Variants in DCAKD observed in about 807,000 individuals in gnomAD.
The protein encoded by DCAKD is dephospho-CoA kinase domain-containing protein.
DCAKD carries 15 observed loss-of-function variants against 18.7 expected under a neutral mutation model. That is an observed-to-expected ratio of 0.80 (90% CI 0.54 to 1.24). The LOEUF (loss-of-function observed/expected upper bound fraction) is 1.24. Among genes scored for constraint, DCAKD ranks in the 50% most tolerant of loss-of-function variants. DCAKD has a pLI of 0.00. For missense variants in DCAKD, 301 were observed against 322.0 expected (o/e 0.93, Z 0.50); for synonymous variants, 130 against 133.0 (o/e 0.98, Z 0.16).
At chr17:45,035,025 G>T in intron 1 of DCAKD, 26 bp from the exon 2 acceptor site, 1 of 791,746 alleles carries the variant, frequency 1.3e-6, no homozygotes, top group East Asian at 2.7e-5. Flanking sequence ...CAGCGGGACT[G>T]ATCAGTTTGG....
intron 4 of DCAKD, among the ~76,000 whole-genome samples, chr17:45,027,709 C>T (rs1183162216): frequency 5.3e-5 from 8 of 151,630 alleles, no homozygotes; most frequent in East Asian, 2.0e-4. Flanking sequence ...CAGGAAGGGC[C>T]GGGCGCAGTG....
At chr17:45,038,352 G>A (rs577829388) in intron 1 of DCAKD, among the ~76,000 whole-genome samples, 22 of 152,216 alleles carry the variant, frequency 1.4e-4, no homozygotes, top group Middle Eastern at 3.4e-3. Context: ...GTGTAACAGC[G>A]CTCAGGATAA....
At chr17:45,046,782 T>C (rs1309689286) in intron 1 of DCAKD, among the ~76,000 whole-genome samples, 1 of 152,122 alleles carries the variant, frequency 6.6e-6, no homozygotes, top group African/African-American at 2.4e-5. Flanking sequence ...CCACTGGCTC[T>C]CCTACCCAGC....
chr17:45,026,313 C>T (rs188354920), intron 4 of DCAKD, among the ~76,000 whole-genome samples: 63 of 149,102 alleles, frequency 4.2e-4, no homozygotes, highest in Non-Finnish European at 7.9e-4. Flanking sequence ...CTGCAACCTC[C>T]GCCTCCCAGG....
upstream of DCAKD, among the ~76,000 whole-genome samples, chr17:45,055,580 C>T (rs1316012691): frequency 6.6e-6 from 1 of 152,038 alleles, no homozygotes; most frequent in South Asian, 2.1e-4. Context: ...CATTGCCATA[C>T]CTCAAAAGCA....
intron 1 of DCAKD, among the ~76,000 whole-genome samples, chr17:45,045,601 G>C (rs1030880958): frequency 6.6e-6 from 1 of 151,818 alleles, no homozygotes; most frequent in Non-Finnish European, 1.5e-5. Flanking sequence ...GCGTGGTGGC[G>C]TGTGCCTGTA....
chr17:45,041,797 T>C (rs2053443231), intron 1 of DCAKD, among the ~76,000 whole-genome samples: 1 of 150,692 alleles, frequency 6.6e-6, no homozygotes, highest in Non-Finnish European at 1.5e-5. Flanking sequence ...CCAGTAAGTG[T>C]GGTGGTGGTA....
chr17:45,057,599 A>G (rs1216749920), intron 1 of DCAKD, among the ~76,000 whole-genome samples: 1 of 149,648 alleles, frequency 6.7e-6, no homozygotes, highest in African/African-American at 2.5e-5. Flanking sequence ...GCTACTCGGG[A>G]GGTTGAGGCA....
chr17:45,051,669 CGGCCAGCAGGCGG>C (rs2053701218), upstream of DCAKD: 1 of 143,442 alleles, frequency 7.0e-6, no homozygotes, highest in Admixed American at 7.2e-5. Flanking sequence ...ACCGGACGTC[CGGCCAGCAGGCGG>C]GGCCGGGAGA....
intron 1 of DCAKD, among the ~76,000 whole-genome samples, chr17:45,039,691 A>C (rs2143284237): frequency 6.6e-6 from 1 of 152,262 alleles, no homozygotes; most frequent in Non-Finnish European, 1.5e-5. Flanking sequence ...CTCAGTCCCC[A>C]CACTTGTGAG....
intron 1 of DCAKD, among the ~76,000 whole-genome samples, chr17:45,041,706 CTG>C (rs1462405453): frequency 6.6e-6 from 1 of 152,056 alleles, no homozygotes; most frequent in Non-Finnish European, 1.5e-5. Context: ...CCTGTACTGA[CTG>C]TGTCAACCAA....
At chr17:45,055,296 A>C (rs111227883), upstream of DCAKD, among the ~76,000 whole-genome samples, 4 of 152,138 alleles carry the variant, frequency 2.6e-5, no homozygotes, top group African/African-American at 9.7e-5. Context: ...ATTTTGTTTG[A>C]TGAACAACCC....
At chr17:45,046,879 G>A (rs577986190) in intron 1 of DCAKD, among the ~76,000 whole-genome samples, 7 of 151,980 alleles carry the variant, frequency 4.6e-5, no homozygotes, top group East Asian at 1.9e-4. Context: ...TGAGGTGCAC[G>A]GTCCCACAGG....
chr17:45,052,186 A>G (rs1257073806), upstream of DCAKD, among the ~76,000 whole-genome samples: 1 of 152,080 alleles, frequency 6.6e-6, no homozygotes, highest in Non-Finnish European at 1.5e-5. Context: ...ACCCGGAGCC[A>G]TAAATTTTCC....
intron 4 of DCAKD, among the ~76,000 whole-genome samples, chr17:45,026,367 A>G (rs571865928): frequency 4.6e-5 from 7 of 151,790 alleles, no homozygotes; most frequent in South Asian, 2.1e-4. Context: ...AACTGGGACT[A>G]TAGGCGCCCG....
chr17:45,040,387 C>CAAAAA (rs34624870), intron 1 of DCAKD, among the ~76,000 whole-genome samples: 1 of 80,332 alleles, frequency 1.2e-5, no homozygotes, highest in Non-Finnish European at 2.4e-5. Flanking sequence ...GACTCCATCT[C>CAAAAA]AAAAAAAAAA....
chr17:45,028,168 G>A (rs537015888), intron 4 of DCAKD, among the ~76,000 whole-genome samples: 2 of 149,722 alleles, frequency 1.3e-5, no homozygotes, highest in Non-Finnish European at 3.0e-5. Flanking sequence ...GAGTGCAGTG[G>A]TGCGATCTCA....
intron 1 of DCAKD, among the ~76,000 whole-genome samples, chr17:45,057,218 A>T (rs2053791097): frequency 6.6e-6 from 1 of 150,970 alleles, no homozygotes; most frequent in African/African-American, 2.4e-5. Flanking sequence ...TAATTTTTGT[A>T]TTTTTTTTAG....
At chr17:45,049,807 CTT>C (rs2053652158) in intron 1 of DCAKD, among the ~76,000 whole-genome samples, 2 of 143,754 alleles carry the variant, frequency 1.4e-5, no homozygotes, top group African/African-American at 5.1e-5. Flanking sequence ...GCAACCTCTG[CTT>C]CCTGAGTTCA....
Sources: allele counts gnomAD v4.1 joint callset (sites outside exome capture counted in the v4.1 genomes callset), GRCh38; gene constraint gnomAD v4.1.1; transcripts MANE v1.5; gene names NCBI Gene and HGNC (gene_info 2026-07-23, HGNC 2026-07-21).